The following RALYL variants were observed in gnomAD, a reference collection of about 807,000 sequenced individuals.
RALYL encodes the protein RALY RNA binding protein like, also known as RNA-binding Raly-like protein.
Under a neutral mutation model 35.1 loss-of-function variants are expected in RALYL, and 29 were observed. The ratio of observed to expected loss-of-function variants is 0.83; its 90% confidence interval spans 0.61 to 1.13. The LOEUF is 1.13. Ranked by LOEUF, RALYL falls within the 50% of genes most tolerant of loss-of-function variation. The pLI, the probability that RALYL is intolerant of heterozygous loss-of-function variation, is 0.00. For missense variants in RALYL, 359 were observed against 360.4 expected (o/e 1.00, Z 0.03); for synonymous variants, 120 against 127.6 (o/e 0.94, Z 0.40).
intron 2 of RALYL, among the ~76,000 whole-genome samples, chr8:84,557,825 T>C (rs1461850446): frequency 6.6e-6 from 1 of 151,918 alleles, no homozygotes; most frequent in Non-Finnish European, 1.5e-5. Context: ...GTGAAAAGAC[T>C]TCAAGTCACA....
At chr8:84,568,296 G>A (rs1435463339) in intron 2 of RALYL, among the ~76,000 whole-genome samples, 5 of 148,632 alleles carry the variant, frequency 3.4e-5, no homozygotes, top group Admixed American at 2.0e-4. Context: ...GAGAACATGC[G>A]GTGTTTGGTT....
At chr8:84,677,033 C>T (rs1158224950) in intron 2 of RALYL, among the ~76,000 whole-genome samples, 1 of 152,150 alleles carries the variant, frequency 6.6e-6, no homozygotes, top group Non-Finnish European at 1.5e-5. Context: ...AACTCCCAAC[C>T]TCATGATCCA....
chr8:84,389,317 G>T (rs1320072692), intron 1 of RALYL, among the ~76,000 whole-genome samples: 1 of 152,044 alleles, frequency 6.6e-6, no homozygotes, highest in Admixed American at 6.6e-5. Context: ...GATTGACTTG[G>T]CAATGCGGGC....
chr8:84,356,155 C>G (rs1851797037), intron 1 of RALYL, among the ~76,000 whole-genome samples: 1 of 150,178 alleles, frequency 6.7e-6, no homozygotes, highest in African/African-American at 2.5e-5. Flanking sequence ...CCTGTTAAGT[C>G]TGTGTAAATG....
intron 2 of RALYL, among the ~76,000 whole-genome samples, chr8:84,555,306 C>CAT (rs1300078716): frequency 2.8e-4 from 42 of 151,824 alleles, no homozygotes; most frequent in African/African-American, 9.7e-4. Flanking sequence ...CACACACACA[C>CAT]ATATATATGT....
intron 3 of RALYL, among the ~76,000 whole-genome samples, chr8:84,798,685 T>C (rs752344683): frequency 7.9e-5 from 12 of 152,246 alleles, no homozygotes; most frequent in Non-Finnish European, 1.6e-4. Flanking sequence ...GTAGTATCAC[T>C]GCCTGGAAAT....
At chr8:84,288,140 G>A (rs1434600565) in intron 1 of RALYL, among the ~76,000 whole-genome samples, 2 of 152,030 alleles carry the variant, frequency 1.3e-5, no homozygotes, top group Middle Eastern at 3.2e-3. Flanking sequence ...AGGAGTATTG[G>A]TTACAGAGGT....
At chr8:84,492,805 G>A (rs1286265441) in intron 1 of RALYL, among the ~76,000 whole-genome samples, 1 of 151,978 alleles carries the variant, frequency 6.6e-6, no homozygotes, top group Non-Finnish European at 1.5e-5. Context: ...TGTCATTATG[G>A]TTGTATTTGT....
At chr8:84,879,199 A>G (rs988078726) in intron 7 of RALYL, among the ~76,000 whole-genome samples, 1 of 152,162 alleles carries the variant, frequency 6.6e-6, no homozygotes, top group Non-Finnish European at 1.5e-5. Context: ...GCTCTGGGAT[A>G]GACTTTTTAA....
chr8:84,699,396 G>A (rs990635943), intron 2 of RALYL, among the ~76,000 whole-genome samples: 1 of 152,078 alleles, frequency 6.6e-6, no homozygotes, highest in Non-Finnish European at 1.5e-5. Flanking sequence ...CATACATTGG[G>A]TGGCTTATAA....
intron 1 of RALYL, among the ~76,000 whole-genome samples, chr8:84,494,325 A>G (rs1286392896): frequency 6.6e-6 from 1 of 152,132 alleles, no homozygotes; most frequent in African/African-American, 2.4e-5. Flanking sequence ...TATAGTTTGA[A>G]GTCTGGTAAC....
chr8:84,551,443 G>A (rs1439083898), intron 2 of RALYL, among the ~76,000 whole-genome samples: 1 of 152,090 alleles, frequency 6.6e-6, no homozygotes, highest in Non-Finnish European at 1.5e-5. Flanking sequence ...AGATGTGCTA[G>A]ATGAAGATGG....
At chr8:84,312,823 C>T (rs576937333) in intron 1 of RALYL, among the ~76,000 whole-genome samples, 3 of 152,320 alleles carry the variant, frequency 2.0e-5, no homozygotes, top group African/African-American at 7.2e-5. Flanking sequence ...AGAGGATCTA[C>T]CATTCTGGGG....
intron 1 of RALYL, among the ~76,000 whole-genome samples, chr8:84,188,406 G>C (rs952258152): frequency 6.6e-6 from 1 of 151,956 alleles, no homozygotes; most frequent in Non-Finnish European, 1.5e-5. Context: ...TTATTGATCT[G>C]CAGTTATTGT....
intron 2 of RALYL, among the ~76,000 whole-genome samples, chr8:84,721,416 G>T (rs78477026): frequency 1.6e-4 from 25 of 152,026 alleles, no homozygotes; most frequent in African/African-American, 5.8e-4. Flanking sequence ...TAAACAAAAT[G>T]TGCAGCATAT....
At chr8:84,525,621 G>A (rs201777989) in intron 1 of RALYL, among the ~76,000 whole-genome samples, 1 of 151,870 alleles carries the variant, frequency 6.6e-6, no homozygotes. Flanking sequence ...TTAACGGCTT[G>A]ACAGAGTTAA....
chr8:84,458,390 A>G (rs1245324060), intron 1 of RALYL, among the ~76,000 whole-genome samples: 1 of 151,878 alleles, frequency 6.6e-6, no homozygotes, highest in Non-Finnish European at 1.5e-5. Flanking sequence ...AAATCTTTTC[A>G]ACACATGTTT....
chr8:84,184,996 G>T, intron 1 of RALYL: 2 of 1,613,902 alleles, frequency 1.2e-6, no homozygotes, highest in South Asian at 1.1e-5. Context: ...CCTCCTCTTC[G>T]CAATGAGTAA....
At chr8:84,562,244 G>T (rs1324782792) in intron 2 of RALYL, among the ~76,000 whole-genome samples, 1 of 151,868 alleles carries the variant, frequency 6.6e-6, no homozygotes, top group African/African-American at 2.4e-5. Flanking sequence ...AATTGCATGT[G>T]ATCTTACTCA....
Sources: gnomAD v4.1 joint callset for allele counts (sites outside exome capture counted in the v4.1 genomes callset) on GRCh38, gnomAD v4.1.1 for gene constraint, MANE v1.5 for transcripts, NCBI Gene and HGNC (gene_info 2026-07-23, HGNC 2026-07-21) for gene names.